Variants in KCTD9 observed in about 807,000 individuals in gnomAD.
The protein encoded by KCTD9 is BTB/POZ domain-containing protein KCTD9.
Under a neutral mutation model 53.3 loss-of-function variants are expected in KCTD9, and 17 were observed. The ratio of observed to expected loss-of-function variants is 0.32; its 90% CI spans 0.22 to 0.48. KCTD9 has a LOEUF of 0.48. Among genes scored for constraint, KCTD9 ranks in the 20% least tolerant of loss-of-function variants. The pLI is 0.99. For synonymous variants in KCTD9, 128 were observed against 162.7 expected, an observed-to-expected ratio of 0.79 and a Z score of 1.62; for missense variants, 179 against 465.5, an observed-to-expected ratio of 0.38 and a Z score of 5.66.
chr8:25,430,177 C>T (rs1356872258), intron 11 of KCTD9, among the ~76,000 whole-genome samples: 1 of 152,156 alleles, frequency 6.6e-6, no homozygotes, highest in African/African-American at 2.4e-5. Context: ...GGCTGATCAC[C>T]ATAAATATGT....
intron 1 of KCTD9, among the ~76,000 whole-genome samples, chr8:25,453,899 A>T (rs1213275260): frequency 6.6e-6 from 1 of 152,168 alleles, no homozygotes; most frequent in Non-Finnish European, 1.5e-5. Flanking sequence ...AGAAATGTTC[A>T]AGCTTAAAAA....
intron 8 of KCTD9, among the ~76,000 whole-genome samples, chr8:25,435,984 A>C (rs540511404): frequency 6.6e-6 from 1 of 152,346 alleles, no homozygotes; most frequent in South Asian, 2.1e-4. Context: ...CTTTTAAAAA[A>C]CTGCTGCAAT....
In KCTD9 at chr8:25,440,677, G is replaced by C. The variant is rs1345519909; in HGVS notation, c.215-4C>G. 4 of 1,561,606 alleles carry C rather than the reference G, an allele frequency of 2.6e-6. No homozygotes were observed. Among genetic ancestry groups the C allele is most frequent in the African/African-American group, 2.7e-5 (2 of 73,842 alleles). The stretch of plus-strand genomic sequence containing the variant: ...GGCTTAGAATCTGTCTGAGGATCTA[G>C]AGATGACATGTAGAAAATAATACAA... On this transcript the variant is annotated splice_region_variant and splice_polypyrimidine_tract_variant and intron_variant, in intron 3 of 11. Coordinates refer to ENST00000221200, the MANE Select transcript of KCTD9 (RefSeq NM_017634.4).
intron 9 of KCTD9, among the ~76,000 whole-genome samples, chr8:25,434,896 G>T (rs1050329912): frequency 1.3e-5 from 2 of 152,112 alleles, no homozygotes; most frequent in Non-Finnish European, 2.9e-5. Context: ...CATATATGTA[G>T]AGAGAGGGAA....
At chr8:25,447,204 A>G (rs1006189882) in intron 1 of KCTD9, among the ~76,000 whole-genome samples, 2 of 152,010 alleles carry the variant, frequency 1.3e-5, no homozygotes, top group Non-Finnish European at 2.9e-5. Context: ...GACCAGCCAG[A>G]CCAACATGGA....
chr8:25,430,674 C>T (rs979242714), intron 11 of KCTD9, among the ~76,000 whole-genome samples: 5 of 152,046 alleles, frequency 3.3e-5, no homozygotes, highest in Non-Finnish European at 5.9e-5. Context: ...ATAAATGTAA[C>T]GCGCTTGAAT....
At chr8:25,451,964 G>A (rs775825070) in intron 1 of KCTD9, among the ~76,000 whole-genome samples, 7 of 152,042 alleles carry the variant, frequency 4.6e-5, no homozygotes, top group Non-Finnish European at 8.8e-5. Flanking sequence ...CTGGCTGTCT[G>A]CCTGGATCCT....
At chr8:25,430,495 C>T (rs56241318) in intron 11 of KCTD9, among the ~76,000 whole-genome samples, 61,697 of 152,020 alleles carry the variant, frequency 0.41, 12,983 homozygotes, top group African/African-American at 0.52. Flanking sequence ...GGGTACTCCT[C>T]ATGAGAATCT....
Position 25,458,427 on chromosome 8 carries a change from G to C in KCTD9, c.-181C>G, listed in dbSNP as rs1394514242. On this transcript the variant is annotated 5_prime_UTR_variant, in exon 1 of 12. Coordinates refer to ENST00000221200, the MANE Select transcript of KCTD9 (RefSeq NM_017634.4). Reference sequence around the variant, plus strand: ...TCTGTCCCACACCCAAGGTTCGGCCGGTCCTCCTTCCCACCCCGCCCCTAG... The same window carrying C: ...TCTGTCCCACACCCAAGGTTCGGCCCGTCCTCCTTCCCACCCCGCCCCTAG... 1.4e-6 allele frequency: 1 copy of C among 695,252 alleles called. No individual in the cohort carries two copies. Among genetic ancestry groups the C allele is most frequent in the Non-Finnish European group, 2.5e-6 (1 of 401,452 alleles). The allele number at this position is 695,252 out of a possible 1,614,324, so 43.1% of individuals were successfully genotyped here.
chr8:25,441,192 C>T (rs970576711), intron 3 of KCTD9, among the ~76,000 whole-genome samples: 5 of 150,032 alleles, frequency 3.3e-5, no homozygotes, highest in African/African-American at 1.2e-4. Flanking sequence ...AAAAAAAGGA[C>T]TGCAGATGAA....
Position 25,440,566 on chromosome 8 carries a change from C to CGTGT in KCTD9, c.311+10_311+11insACAC. ...GCATTCTCTTTCTAACACACATACA[C>CGTGT]ACACACCTACCGTGTAGTTGTAAAG... On this transcript the variant is annotated intron_variant, in intron 4 of 11. Coordinates refer to ENST00000221200, the MANE Select transcript of KCTD9 (RefSeq NM_017634.4). 6.5e-7 allele frequency: 1 copy of CGTGT among 1,545,728 alleles called. No individual in the cohort carries two copies. The highest frequency in any genetic ancestry group is 8.9e-7 in the Non-Finnish European group (1 of 1,118,278).
At chr8:25,456,697 TA>T (rs934602641) in intron 1 of KCTD9, among the ~76,000 whole-genome samples, 37 of 150,388 alleles carry the variant, frequency 2.5e-4, no homozygotes, top group African/African-American at 6.1e-4. Context: ...CTAGATAGCT[TA>T]AAAAAAAAAT....
At chr8:25,433,759 A>G (rs1252625529) in intron 9 of KCTD9, among the ~76,000 whole-genome samples, 1 of 152,224 alleles carries the variant, frequency 6.6e-6, no homozygotes, top group East Asian at 1.9e-4. Context: ...CTCTATTTTT[A>G]TAAACATACC....
At chr8:25,447,906 C>T (rs1243249214) in intron 1 of KCTD9, among the ~76,000 whole-genome samples, 1 of 152,046 alleles carries the variant, frequency 6.6e-6, no homozygotes, top group African/African-American at 2.4e-5. Context: ...GCAGGTGGAT[C>T]GCTTGAGCCC....
chr8:25,453,355 T>A (rs556983881), intron 1 of KCTD9, among the ~76,000 whole-genome samples: 87 of 148,566 alleles, frequency 5.9e-4, no homozygotes, highest in Non-Finnish European at 1.0e-3. Context: ...AGACTCTGTC[T>A]CAAAAAAAAA....
At chr8:25,435,047 C>A (rs1206240657) in intron 9 of KCTD9, among the ~76,000 whole-genome samples, 2 of 152,124 alleles carry the variant, frequency 1.3e-5, no homozygotes, top group Admixed American at 6.5e-5. Context: ...TTCAGCTTTA[C>A]CTTTACAATT....
Position 25,436,503 on chromosome 8 carries a change from A to C in KCTD9, c.500-18T>G. ...TAACACACCTATCAGAACAAAAATAATTCTGAAACAACCTAATTTAGTGAA... is the reference window on the plus strand; with the variant it reads ...TAACACACCTATCAGAACAAAAATACTTCTGAAACAACCTAATTTAGTGAA... On this transcript the variant is annotated intron_variant, in intron 6 of 11. Transcript: ENST00000221200. 2 of 1,447,330 alleles carry C rather than the reference A, an allele frequency of 1.4e-6. No individual in the cohort carries two copies. Among genetic ancestry groups the C allele is most frequent in the Non-Finnish European group, 1.9e-6 (2 of 1,061,450 alleles). 89.7% of individuals were successfully genotyped at this position (1,447,330 alleles called of 1,614,324 possible).
intron 4 of KCTD9, 144 bp from the exon 5 acceptor site, chr8:25,439,808 G>A (rs1404720560): frequency 4.8e-6 from 7 of 1,469,082 alleles, no homozygotes; most frequent in Admixed American, 2.6e-5. Flanking sequence ...AAACAAAAAC[G>A]TGCAGTAAGT....
intron 1 of KCTD9, among the ~76,000 whole-genome samples, chr8:25,449,878 T>G (rs1398577187): frequency 6.6e-6 from 1 of 152,080 alleles, no homozygotes; most frequent in Non-Finnish European, 1.5e-5. Context: ...GGCTTTCCCA[T>G]GACATAGGAA....
Sources: gnomAD v4.1 joint callset for allele counts (sites outside exome capture counted in the v4.1 genomes callset) on GRCh38, gnomAD v4.1.1 for gene constraint, MANE v1.5 for transcripts, NCBI Gene and HGNC (gene_info 2026-07-23, HGNC 2026-07-21) for gene names.